SMURF2: variants seen among roughly 807,000 people sequenced by gnomAD.
SMURF2 encodes SMAD specific E3 ubiquitin protein ligase 2, also known as E3 ubiquitin-protein ligase SMURF2.
A neutral mutation model predicts 109.6 loss-of-function variants in SMURF2; 48 were observed. The observed-to-expected ratio is 0.44, with a 90% CI of 0.35 to 0.56. The LOEUF (loss-of-function observed/expected upper bound fraction) is 0.56, where lower values mean the gene tolerates loss of function less well. SMURF2 is among the 20% of genes least tolerant of loss of function. The pLI, the probability that SMURF2 is intolerant of heterozygous loss-of-function variation, is 0.01. For synonymous variants in SMURF2, 288 were observed against 317.1 expected (o/e 0.91, Z 0.97); for missense variants, 575 against 909.0 (o/e 0.63, Z 4.72).
intron 1 of SMURF2, among the ~76,000 whole-genome samples, chr17:64,620,232 T>A (rs79919412): frequency 6.6e-6 from 1 of 152,150 alleles, no homozygotes; most frequent in Non-Finnish European, 1.5e-5. Context: ...ATAATACATC[T>A]AGAGTATTTT....
rs1312655650 is a variant in SMURF2 at position 64,603,506 on chromosome 17, C to T, written c.91+3096G>A. ...CTGAGGCAGGAGAATTGCTTGAACACGGGAGGCAGAGGTTGCAGTGAGCCG... is the reference window on the plus strand; with the variant it reads ...CTGAGGCAGGAGAATTGCTTGAACATGGGAGGCAGAGGTTGCAGTGAGCCG... On this transcript the variant is annotated intron_variant, in intron 2 of 18. Coordinates refer to ENST00000262435, the MANE Select transcript of SMURF2 (RefSeq NM_022739.4). Among the ~76,000 whole-genome samples the T allele has an allele frequency of 2.0e-5, 3 of 149,530 alleles. No individual in the cohort carries two copies. In the Admixed American group the frequency reaches 2.0e-4, roughly 10 times the overall value.
intron 1 of SMURF2, among the ~76,000 whole-genome samples, chr17:64,631,269 AG>A (rs1970336583): frequency 2.8e-4 from 1 of 3,538 alleles, no homozygotes; most frequent in Non-Finnish European, 6.5e-4. Context: ...TGGGGGGGAG[AG>A]AGGGGGGGGG....
In SMURF2 at chr17:64,542,335, C is replaced by T. The variant is rs372289243; in HGVS notation, c.*3513G>A. 9 of 152,214 alleles carry T rather than the reference C, an allele frequency of 5.9e-5. No homozygotes were observed. Among genetic ancestry groups the T allele is most frequent in the African/African-American group, 1.9e-4 (8 of 41,522 alleles). The allele number at this position is 152,214 out of a possible 1,614,324, so 9.4% of individuals were successfully genotyped here. On this transcript the variant is annotated 3_prime_UTR_variant, in exon 19 of 19. Coordinates refer to ENST00000262435, the MANE Select transcript of SMURF2 (RefSeq NM_022739.4). Reference sequence around the variant, plus strand: ...TGCAAACAGCATTGATTTTATTGCTCGACTTCGGCATGGGCACATACATAG... The same window carrying T: ...TGCAAACAGCATTGATTTTATTGCTTGACTTCGGCATGGGCACATACATAG...
intron 1 of SMURF2, among the ~76,000 whole-genome samples, chr17:64,659,976 C>T (rs1180945390): frequency 1.3e-5 from 2 of 152,066 alleles, no homozygotes. Context: ...TTTAAAATTC[C>T]TCAGAAAAAC....
intron 2 of SMURF2, among the ~76,000 whole-genome samples, chr17:64,602,827 C>T (rs1969916184): frequency 6.6e-6 from 1 of 151,958 alleles, no homozygotes; most frequent in South Asian, 2.1e-4. Flanking sequence ...ACTCAGGAGG[C>T]AGAAGCAGAA....
intron 2 of SMURF2, among the ~76,000 whole-genome samples, chr17:64,598,893 G>T (rs1174722912): frequency 6.6e-6 from 1 of 152,094 alleles, no homozygotes; most frequent in Non-Finnish European, 1.5e-5. Flanking sequence ...CTTATTAAAG[G>T]TTTTTATACA....
At chr17:64,649,320 C>T (rs1472961718) in intron 1 of SMURF2, among the ~76,000 whole-genome samples, 4 of 152,056 alleles carry the variant, frequency 2.6e-5, no homozygotes, top group Admixed American at 1.3e-4. Context: ...CAAGAGGTGA[C>T]GCTACAGGCT....
chr17:64,609,596 T>C (rs1371818561), intron 1 of SMURF2, among the ~76,000 whole-genome samples: 2 of 151,818 alleles, frequency 1.3e-5, no homozygotes, highest in Non-Finnish European at 2.9e-5. Context: ...CTGGACTCCT[T>C]CCTTACACCT....
intron 6 of SMURF2, among the ~76,000 whole-genome samples, chr17:64,584,767 T>C (rs1346195602): frequency 2.6e-5 from 4 of 152,130 alleles, no homozygotes; most frequent in Non-Finnish European, 4.4e-5. Flanking sequence ...CTGGCAGAGG[T>C]TGAAGGGCTC....
At position 64,630,241 on chromosome 17, in the gene SMURF2, GA is replaced by G. The variant is rs1236340767; in HGVS notation, c.53-23602del. 1.0e-3 allele frequency among the ~76,000 whole-genome samples: 142 copies of G among 142,018 alleles called. 1 individual carries two copies. The highest frequency in any genetic ancestry group is 3.2e-3 in the African/African-American group (125 of 38,864). 93.2% of individuals were successfully genotyped at this position (142,018 alleles called of 152,430 possible). A position where few individuals can be genotyped will look rare whatever the true frequency, so the allele number is the denominator to read the frequency against. On this transcript the variant is annotated intron_variant, in intron 1 of 18. Coordinates refer to ENST00000262435, the MANE Select transcript of SMURF2 (RefSeq NM_022739.4). ...ACAGAGCAAGACTCCGTCTCAGAAA[GA>G]AAAAAAAAAAGTTAATACAAATTAA...
At chr17:64,549,765 A>T (rs1969014687) in intron 16 of SMURF2, among the ~76,000 whole-genome samples, 1 of 152,006 alleles carries the variant, frequency 6.6e-6, no homozygotes, top group South Asian at 2.1e-4. Flanking sequence ...CTCCACAAAT[A>T]AAAAAAAGAA....
intron 1 of SMURF2, among the ~76,000 whole-genome samples, chr17:64,654,983 C>T (rs1338131577): frequency 6.6e-6 from 1 of 151,882 alleles, no homozygotes; most frequent in Non-Finnish European, 1.5e-5. Flanking sequence ...AGCCAAAATT[C>T]TTCTAATCAA....
At chr17:64,602,275 G>C (rs1832077410) in intron 2 of SMURF2, among the ~76,000 whole-genome samples, 1 of 151,890 alleles carries the variant, frequency 6.6e-6, no homozygotes, top group Non-Finnish European at 1.5e-5. Context: ...CACCACTAAA[G>C]TACTTATTCA....
chr17:64,613,144 A>G (rs1555689708), intron 1 of SMURF2, among the ~76,000 whole-genome samples: 1 of 152,160 alleles, frequency 6.6e-6, no homozygotes, highest in Non-Finnish European at 1.5e-5. Context: ...CCTTTACTGC[A>G]CTGTTCTTTT....
At chr17:64,620,825 C>A (rs1294477896) in intron 1 of SMURF2, among the ~76,000 whole-genome samples, 1 of 152,158 alleles carries the variant, frequency 6.6e-6, no homozygotes, top group African/African-American at 2.4e-5. Context: ...CTTGTTGAAT[C>A]AAATAAAATC....
At chr17:64,582,702 C>T (rs201599896) in intron 7 of SMURF2, among the ~76,000 whole-genome samples, 1 of 150,924 alleles carries the variant, frequency 6.6e-6, no homozygotes, top group South Asian at 2.1e-4. Context: ...GGGTTCAAGC[C>T]ATTCTCCTGC....
At chr17:64,611,298 C>G (rs986534315) in intron 1 of SMURF2, among the ~76,000 whole-genome samples, 1 of 151,984 alleles carries the variant, frequency 6.6e-6, no homozygotes, top group African/African-American at 2.4e-5. Flanking sequence ...AAATAAAATC[C>G]GAAGAGCCAC....
chr17:64,547,667 T>C lies in SMURF2; in HGVS notation c.2004A>G (p.Arg668=). ...CTGTCACAAACTGAAGCAATCTTGC[T>C]CGTCGCTCTTCATCAAAAAACTCCA... is the stretch of plus-strand genomic sequence containing the variant. The part of the protein sequence containing the change: ...KAVEFFDEER[R]ARLLQFVTGS... The change falls in exon 17 of 19, where the codon CGA becomes CGG. Residue 668 remains arginine, a synonymous_variant. Transcript: ENST00000262435. This position sits in a 1 kb window ranked among gnomAD's most constrained non-coding sequence, Gnocchi z 4.2. The C allele has an allele frequency of 1.2e-6, 2 of 1,614,010 alleles. No individual in the cohort carries two copies. The highest frequency in any genetic ancestry group is 2.2e-5 in the East Asian group (1 of 44,868).
At chr17:64,586,800 T>G (rs1555687140) in intron 5 of SMURF2, among the ~76,000 whole-genome samples, 15 of 136,828 alleles carry the variant, frequency 1.1e-4, no homozygotes, top group African/African-American at 2.8e-5. Flanking sequence ...ATATTAAGGG[T>G]GTATTCATGT....
Sources: allele counts gnomAD v4.1 joint callset (sites outside exome capture counted in the v4.1 genomes callset), GRCh38; gene constraint gnomAD v4.1.1; non-coding constraint Gnocchi (gnomAD v3.1); transcripts MANE v1.5; gene names NCBI Gene and HGNC (gene_info 2026-07-23, HGNC 2026-07-21).